The following ANKRD31 variants were observed in gnomAD, a reference collection of about 807,000 sequenced individuals.
ANKRD31 encodes the protein ankyrin repeat domain 31.
In ANKRD31, 147 loss-of-function variants were observed where a neutral mutation model predicts 186.0. The observed-to-expected ratio is 0.79, with a 90% CI of 0.69 to 0.91. ANKRD31 has a LOEUF of 0.91. Among genes scored for constraint, ANKRD31 ranks in the 40% least tolerant of loss-of-function variants. ANKRD31 has a pLI of 0.00. For synonymous variants in ANKRD31, 673 were observed against 736.4 expected, an observed-to-expected ratio of 0.91 and a Z score of 1.39; for missense variants, 1,986 against 2,148.8, an observed-to-expected ratio of 0.92 and a Z score of 1.50.
At chr5:75,213,111 A>T (rs1420298976) in intron 3 of ANKRD31, among the ~76,000 whole-genome samples, 3 of 152,178 alleles carry the variant, frequency 2.0e-5, no homozygotes, top group Non-Finnish European at 4.4e-5. Context: ...TTAGTTTCAC[A>T]CATATATACT....
intron 22 of ANKRD31, 78 bp from the exon 23 acceptor site, chr5:75,091,479 G>GT: frequency 7.3e-7 from 1 of 1,364,754 alleles, no homozygotes; most frequent in Non-Finnish European, 9.8e-7. Flanking sequence ...CCATGACAAA[G>GT]TAACAGGGAC....
rs5868764 is a variant in ANKRD31, at chr5:75,127,184, CAA to C, written c.3877-8889_3877-8888del. 5.3e-3 allele frequency among the ~76,000 whole-genome samples: 639 copies of C among 120,336 alleles called. 7 individuals carry two copies. The highest frequency in any genetic ancestry group is 0.016 in the African/African-American group (550 of 33,672). The allele number at this position is 120,336 out of a possible 152,430, so 78.9% of individuals were successfully genotyped here. Reference sequence around the variant, plus strand: ...TGGGTGGCAAAGTGAGACTCCATCTCAAAAAAAAAAAAAAAAATCAACTGAAC... The same window carrying C: ...TGGGTGGCAAAGTGAGACTCCATCTCAAAAAAAAAAAAAAATCAACTGAAC... On this transcript the variant is annotated intron_variant, in intron 17 of 25. Transcript: ENST00000506364.
intron 11 of ANKRD31, among the ~76,000 whole-genome samples, chr5:75,162,088 C>T (rs1752606429): frequency 6.6e-6 from 1 of 152,194 alleles, no homozygotes; most frequent in South Asian, 2.1e-4. Flanking sequence ...AGAAGAGAGC[C>T]ACTGTCCTCC....
At chr5:75,154,944 C>T (rs1302854519) in intron 11 of ANKRD31, among the ~76,000 whole-genome samples, 1 of 152,124 alleles carries the variant, frequency 6.6e-6, no homozygotes, top group Non-Finnish European at 1.5e-5. Context: ...TCACCATCCA[C>T]TGCTGCCCAG....
chr5:75,223,786 G>A lies in ANKRD31; in HGVS notation c.179-1428C>T, dbSNP rs73763032. 4.0e-3 allele frequency among the ~76,000 whole-genome samples: 607 copies of A among 152,138 alleles called. 7 individuals are homozygous for A. Among genetic ancestry groups the A allele is most frequent in the African/African-American group, 0.014 (584 of 41,488 alleles). ...GGTAAGATCTTTGGGAGGTAGTTGG[G>A]TTTAGATGAGGTATTGAGGGTGAAG... On this transcript the variant is annotated intron_variant, in intron 2 of 25. Transcript: ENST00000506364.
intron 11 of ANKRD31, among the ~76,000 whole-genome samples, chr5:75,164,289 C>A (rs1398447077): frequency 6.6e-6 from 1 of 152,194 alleles, no homozygotes; most frequent in Non-Finnish European, 1.5e-5. Context: ...GACCCTTAGA[C>A]AGAACCAACT....
At position 75,223,740 on chromosome 5, in the gene ANKRD31, G is replaced by A. The variant is rs143575258; in HGVS notation, c.179-1382C>T. 5.7e-4 allele frequency among the ~76,000 whole-genome samples: 87 copies of A among 152,228 alleles called. 1 individual carries two copies. The East Asian group carries it at 0.016, about 27-fold the overall frequency. Reference sequence around the variant, plus strand: ...AAATTCATATGCTGATGCCCTAACCGCCAATGTGATGATATTAGAAGGTAA... The same window carrying A: ...AAATTCATATGCTGATGCCCTAACCACCAATGTGATGATATTAGAAGGTAA... On this transcript the variant is annotated intron_variant, in intron 2 of 25. Coordinates refer to ENST00000506364, the MANE Select transcript of ANKRD31 (RefSeq NM_001372053.1).
intron 14 of ANKRD31, among the ~76,000 whole-genome samples, chr5:75,145,773 T>C (rs150767093): frequency 3.8e-3 from 576 of 152,168 alleles, no homozygotes; most frequent in African/African-American, 0.013. Context: ...CATCAGTCAA[T>C]ATCAGCTTAG....
At chr5:75,184,741 G>A (rs1281622298) in intron 10 of ANKRD31, among the ~76,000 whole-genome samples, 1 of 152,120 alleles carries the variant, frequency 6.6e-6, no homozygotes, top group Non-Finnish European at 1.5e-5. Context: ...GTGGAGAAAA[G>A]AGAACCTTTA....
At chr5:75,219,928 GCTAGCTATA>G (rs1158894646) in intron 3 of ANKRD31, among the ~76,000 whole-genome samples, 1 of 152,174 alleles carries the variant, frequency 6.6e-6, no homozygotes, top group Admixed American at 6.5e-5. Flanking sequence ...GGGATAACTG[GCTAGCTATA>G]TACAGAAGGT....
intron 4 of ANKRD31, among the ~76,000 whole-genome samples, chr5:75,208,857 A>G (rs1334138633): frequency 1.3e-5 from 2 of 152,198 alleles, no homozygotes; most frequent in Non-Finnish European, 2.9e-5. Context: ...CCTATGAAGA[A>G]TGGTATATAA....
intron 21 of ANKRD31, among the ~76,000 whole-genome samples, chr5:75,106,477 A>G (rs933498638): frequency 6.6e-6 from 1 of 152,154 alleles, no homozygotes; most frequent in Non-Finnish European, 1.5e-5. Context: ...AACAACTGGT[A>G]GCATAAAATG....
At chr5:75,162,546 C>T (rs897902214) in intron 11 of ANKRD31, among the ~76,000 whole-genome samples, 2 of 152,112 alleles carry the variant, frequency 1.3e-5, no homozygotes, top group Non-Finnish European at 2.9e-5. Flanking sequence ...TGGGTTAAGA[C>T]TTTGGTGGAC....
chr5:75,085,002 G>C (rs1224988852), intron 23 of ANKRD31, among the ~76,000 whole-genome samples: 1 of 152,036 alleles, frequency 6.6e-6, no homozygotes, highest in East Asian at 1.9e-4. Context: ...AAATGTTCTG[G>C]GCCCAAGGGT....
chr5:75,191,896 T>C (rs1755141583), intron 9 of ANKRD31, among the ~76,000 whole-genome samples: 1 of 152,122 alleles, frequency 6.6e-6, no homozygotes, highest in Non-Finnish European at 1.5e-5. Context: ...ATCGCATTTT[T>C]AAAACTTTTT....
chr5:75,143,351 T>C (rs1751190871), intron 15 of ANKRD31, among the ~76,000 whole-genome samples: 1 of 152,108 alleles, frequency 6.6e-6, no homozygotes, highest in South Asian at 2.1e-4. Context: ...GGACAGGGCA[T>C]GTTTTGGGGG....
intron 3 of ANKRD31, among the ~76,000 whole-genome samples, chr5:75,220,560 T>A (rs1757228678): frequency 6.6e-6 from 1 of 151,644 alleles, no homozygotes; most frequent in Non-Finnish European, 1.5e-5. Flanking sequence ...GAGAATCACT[T>A]GAACCTGGGA....
chr5:75,162,997 C>T (rs1281034809), intron 11 of ANKRD31, among the ~76,000 whole-genome samples: 2 of 152,096 alleles, frequency 1.3e-5, no homozygotes, highest in Non-Finnish European at 2.9e-5. Context: ...TTTCTTGATA[C>T]AGTAACTGAA....
chr5:75,233,911 C>T (rs1178067278), intron 1 of ANKRD31, among the ~76,000 whole-genome samples: 4 of 150,808 alleles, frequency 2.7e-5, no homozygotes, highest in Admixed American at 6.6e-5. Context: ...AATGAGACTC[C>T]GTCTCAAAAA....
Sources: allele counts gnomAD v4.1 joint callset (sites outside exome capture counted in the v4.1 genomes callset), GRCh38; gene constraint gnomAD v4.1.1; transcripts MANE v1.5; gene names NCBI Gene and HGNC (gene_info 2026-07-23, HGNC 2026-07-21).